Variants in GPR17 observed in about 807,000 individuals in gnomAD.
The protein encoded by GPR17 is G protein-coupled receptor 17, also known as uracil nucleotide/cysteinyl leukotriene receptor.
In GPR17, 4 loss-of-function variants were observed where a neutral mutation model predicts 1.5. That is an observed-to-expected ratio of 2.73 (90% CI 1.35 to 6.25). The LOEUF (loss-of-function observed/expected upper bound fraction) is 6.25, where lower values mean the gene tolerates loss of function less well. Ranked by LOEUF, GPR17 falls within the 30% of genes most tolerant of loss-of-function variation. The pLI is 0.00. For synonymous variants in GPR17, 209 were observed against 207.6 expected (o/e 1.01, Z -0.06); for missense variants, 463 against 462.1 (o/e 1.00, Z -0.02).
chr2:127,650,189 G>C, intron 1 of GPR17: 1 of 965,496 alleles, frequency 1.0e-6, no homozygotes, highest in East Asian at 2.6e-5. Context: ...AGAAAGCGGT[G>C]ACACCCCGGC....
chr2:127,648,234 G>C (rs1283222519), intron 1 of GPR17: 3 of 982,612 alleles, frequency 3.1e-6, no homozygotes, highest in Admixed American at 6.1e-5. Context: ...CATCTCTGGT[G>C]TTAGAACTTC....
intron 1 of GPR17, chr2:127,650,001 C>G: frequency 6.2e-7 from 1 of 1,604,398 alleles, no homozygotes; most frequent in East Asian, 2.2e-5. Context: ...CAGGTCTCCC[C>G]ACCTGTCAGG....
Position 127,650,838 on chromosome 2 carries a change from G to A in GPR17, c.103G>A (p.Ala35Thr), listed in dbSNP as rs547055934. 108 of 1,614,042 alleles carry A rather than the reference G, an allele frequency of 6.7e-5. No individual in the cohort carries two copies. The highest frequency in any genetic ancestry group is 4.9e-4 in the Middle Eastern group (3 of 6,062). The stretch of plus-strand genomic sequence containing the variant: ...GACGCCACTGGAGAACATGCTGTTC[G>A]CCTCCTTCTACCTTCTGGATTTTAT... ...QETPLENMLF[A>T]SFYLLDFILA... is the part of the protein sequence containing the mutation. The change falls in exon 2 of 2, where the codon GCC becomes ACC. Residue 35 changes from alanine to threonine, a missense_variant. Transcript: ENST00000486700.
Position 127,651,899 on chromosome 2 carries a change from C to G in GPR17, c.*144C>G, listed in dbSNP as rs2105279313. On this transcript the variant is annotated 3_prime_UTR_variant, in exon 2 of 2. Transcript: ENST00000486700. ...CCACCATTTCTCTAGATCGCCTAGTCTCAACCCATAAAAAGGAAGAACTGA... is the reference window on the plus strand; with the variant it reads ...CCACCATTTCTCTAGATCGCCTAGTGTCAACCCATAAAAAGGAAGAACTGA... 1 of 753,812 alleles carries G rather than the reference C, an allele frequency of 1.3e-6. No individual in the cohort carries two copies. Among genetic ancestry groups the G allele is most frequent in the East Asian group, 2.7e-5 (1 of 37,060 alleles). 46.7% of individuals were successfully genotyped at this position (753,812 alleles called of 1,614,324 possible). A position where few individuals can be genotyped will look rare whatever the true frequency, so the allele number is the denominator to read the frequency against.
intron 1 of GPR17, chr2:127,649,860 A>G (rs1404317351): frequency 3.0e-6 from 2 of 663,128 alleles, no homozygotes; most frequent in Non-Finnish European, 5.2e-6. Flanking sequence ...AGCGCTGGCC[A>G]GTGTCTCTGA....
Position 127,647,908 on chromosome 2 carries a change from G to A in GPR17, c.-21+1664G>A. 1 of 581,236 alleles carries A rather than the reference G, an allele frequency of 1.7e-6. No homozygotes were observed. Among genetic ancestry groups the A allele is most frequent in the Non-Finnish European group, 2.2e-6 (1 of 460,158 alleles). The allele number at this position is 581,236 out of a possible 1,614,324, so 36.0% of individuals were successfully genotyped here. A position where few individuals can be genotyped will look rare whatever the true frequency, so the allele number is the denominator to read the frequency against. On this transcript the variant is annotated intron_variant, in intron 1 of 1. Coordinates refer to ENST00000486700, the MANE Select transcript of GPR17 (RefSeq NM_001161417.2). This position sits in a 1 kb window ranked among gnomAD's most constrained non-coding sequence, Gnocchi z 4.3. ...CGGTACCTGCTCCCTGTTCTCCCCT[G>A]CCTCACAGGCCCTGTCAAGGGCTGT...
chr2:127,650,600 C>G, intron 1 of GPR17, 116 bp from the exon 2 acceptor site: 1 of 722,914 alleles, frequency 1.4e-6, no homozygotes, highest in Non-Finnish European at 2.3e-6. Flanking sequence ...GTGGGCGGTG[C>G]TGAGCTTGAA....
rs151091711 is a variant in GPR17 at position 127,650,780 on chromosome 2, C to A, written c.45C>A (p.Phe15Leu). The change falls in exon 2 of 2, where the codon TTC becomes TTA. Residue 15 changes from phenylalanine to leucine, a missense_variant. By Grantham distance (22) the Phe-to-Leu change is conservative. Coordinates refer to ENST00000486700, the MANE Select transcript of GPR17 (RefSeq NM_001161417.2). Reference sequence around the variant, plus strand: ...CTCCCCCAGGTCTGATCACCAACTTCTCCCTGGCCACGGCAGAGCAATGTG... The same window carrying A: ...CTCCCCCAGGTCTGATCACCAACTTATCCCTGGCCACGGCAGAGCAATGTG... ...EVAPPGLITN[F>L]SLATAEQCGQ... 6,890 of 1,613,876 alleles carry A rather than the reference C, an allele frequency of 4.3e-3. 18 individuals are homozygous for A. The highest frequency in any genetic ancestry group is 5.4e-3 in the Non-Finnish European group (6,335 of 1,179,824).
At position 127,649,351 on chromosome 2, in the gene GPR17, G is replaced by C. The variant is rs146264616; in HGVS notation, c.-20-1365G>C. On this transcript the variant is annotated intron_variant, in intron 1 of 1. Coordinates refer to ENST00000486700, the MANE Select transcript of GPR17 (RefSeq NM_001161417.2). ...CCCTCCTGCTGCCACAATGGGCACAGGCAGGATGCCAGCTTCTCTTATGCA... is the reference window on the plus strand; with the variant it reads ...CCCTCCTGCTGCCACAATGGGCACACGCAGGATGCCAGCTTCTCTTATGCA... Among the ~76,000 whole-genome samples the C allele has an allele frequency of 2.0e-3, 302 of 152,342 alleles. 2 individuals carry two copies. The highest frequency in any genetic ancestry group is 6.9e-3 in the African/African-American group (288 of 41,578).
intron 1 of GPR17, among the ~76,000 whole-genome samples, chr2:127,648,851 G>T (rs889998656): frequency 2.7e-5 from 4 of 150,744 alleles, no homozygotes; most frequent in African/African-American, 9.8e-5. Flanking sequence ...AGCCCTGGAG[G>T]TTGAGGCTGC....
chr2:127,649,916 C>T (rs1381246071), intron 1 of GPR17: 1 of 1,011,822 alleles, frequency 9.9e-7, no homozygotes, highest in Non-Finnish European at 1.5e-6. Flanking sequence ...ATGCTGCCCC[C>T]TGGTGGTGGA....
chr2:127,650,661 C>G (rs190276581), intron 1 of GPR17, 55 bp from the exon 2 acceptor site: 2 of 1,246,140 alleles, frequency 1.6e-6, no homozygotes, highest in East Asian at 2.3e-5. Flanking sequence ...CTTCAGAGAG[C>G]GTGAAGCTGC....
At position 127,651,421 on chromosome 2, in the gene GPR17, T is replaced by TCAAGAC; in HGVS notation, c.691_696dup (p.Thr231_Lys232dup). On this transcript the variant is annotated inframe_insertion, in exon 2 of 2. Transcript: ENST00000486700. ...CAGGGCCTGCGTGTGGAGAAGCGCCTCAAGACCAAGGCAGTGCGCATGATC... is the reference window on the plus strand; with the variant it reads ...CAGGGCCTGCGTGTGGAGAAGCGCCTCAAGACCAAGACCAAGGCAGTGCGCATGATC... 6.2e-7 allele frequency: 1 copy of TCAAGAC among 1,612,930 alleles called. No individual in the cohort carries two copies. Among genetic ancestry groups the TCAAGAC allele is most frequent in the Non-Finnish European group, 8.5e-7 (1 of 1,180,030 alleles).
Position 127,648,948 on chromosome 2 carries a change from AGGGGAGGGGAGGGGAGGG to A in GPR17, c.-20-1754_-20-1737del, listed in dbSNP as rs1404119409. Among the ~76,000 whole-genome samples, 55 of 31,334 alleles carry A rather than the reference AGGGGAGGGGAGGGGAGGG, an allele frequency of 1.8e-3. 1 individual carries two copies. Among genetic ancestry groups the A allele is most frequent in the African/African-American group, 7.3e-3 (52 of 7,172 alleles). The allele number at this position is 31,334 out of a possible 152,430, so 20.6% of individuals were successfully genotyped here. On this transcript the variant is annotated intron_variant, in intron 1 of 1. Coordinates refer to ENST00000486700, the MANE Select transcript of GPR17 (RefSeq NM_001161417.2). ...AAAGAAAAAAAGAAAAAAGAGAGGG[AGGGGAGGGGAGGGGAGGG>A]GGGGAGGGGAGGGAGGGGAGGGGAG...
intron 1 of GPR17, chr2:127,648,093 GAA>G (rs1245955609): frequency 2.0e-6 from 2 of 985,558 alleles, no homozygotes; most frequent in African/African-American, 3.5e-5. Context: ...CAGTCCTAGG[GAA>G]AGTGCCAGCC....
Position 127,647,813 on chromosome 2 carries a change from T to G in GPR17, c.-21+1569T>G, listed in dbSNP as rs1671215183. On this transcript the variant is annotated intron_variant, in intron 1 of 1. Coordinates refer to ENST00000486700, the MANE Select transcript of GPR17 (RefSeq NM_001161417.2). The surrounding 1 kb of genome is among the most constrained non-coding windows in gnomAD (Gnocchi z 4.3). ...GAGCCCTGTTCCTCCAGTCTCCGGGTCCTCACCCCCAGCACATGCAACACG... is the reference window on the plus strand; with the variant it reads ...GAGCCCTGTTCCTCCAGTCTCCGGGGCCTCACCCCCAGCACATGCAACACG... 6.6e-6 allele frequency among the ~76,000 whole-genome samples: 1 copy of G among 151,788 alleles called. No individual in the cohort carries two copies. The highest frequency in any genetic ancestry group is 6.6e-5 in the Admixed American group (1 of 15,260).
In GPR17 at chr2:127,649,956, T is replaced by G; in HGVS notation, c.-20-760T>G. 1.1e-5 allele frequency: 16 copies of G among 1,432,518 alleles called. 1 individual carries two copies. The South Asian group carries it at 1.9e-4, about 17-fold the overall frequency. The allele number at this position is 1,432,518 out of a possible 1,614,324, so 88.7% of individuals were successfully genotyped here. A position where few individuals can be genotyped will look rare whatever the true frequency, so the allele number is the denominator to read the frequency against. The stretch of plus-strand genomic sequence containing the variant: ...CTCTGGGAGAGAAAATACTCCCAGC[T>G]GGCCTGATACCCAGGCACAGGCTTC... On this transcript the variant is annotated intron_variant, in intron 1 of 1. Coordinates refer to ENST00000486700, the MANE Select transcript of GPR17 (RefSeq NM_001161417.2).
At position 127,647,251 on chromosome 2, in the gene GPR17, G is replaced by C. The variant is rs3771296; in HGVS notation, c.-21+1007G>C. Among the ~76,000 whole-genome samples, 54,974 of 152,082 alleles carry C rather than the reference G, an allele frequency of 0.36. 10,561 individuals carry two copies. The highest frequency in any genetic ancestry group is 0.42 in the Non-Finnish European group (28,567 of 67,936). On this transcript the variant is annotated intron_variant, in intron 1 of 1. Coordinates refer to ENST00000486700, the MANE Select transcript of GPR17 (RefSeq NM_001161417.2). The surrounding 1 kb of genome is among the most constrained non-coding windows in gnomAD (Gnocchi z 4.3). ...GAGGGAGTGGCCCCAGGGCCAGGAG[G>C]GGGTGCTGAGCCTGGGAGACAACTC...
Position 127,650,735 on chromosome 2 carries a change from C to T in GPR17, c.-1C>T. 6.2e-7 allele frequency: 1 copy of T among 1,607,248 alleles called. No individual in the cohort carries two copies. Among genetic ancestry groups the T allele is most frequent in the East Asian group, 2.2e-5 (1 of 44,730 alleles). Reference sequence around the variant, plus strand: ...CTCCAGGCTCTGACTCCAGCCAAAGCATGAATGGCCTTGAAGTGGCTCCCC... The same window carrying T: ...CTCCAGGCTCTGACTCCAGCCAAAGTATGAATGGCCTTGAAGTGGCTCCCC... On this transcript the variant is annotated 5_prime_UTR_variant, in exon 2 of 2. Transcript: ENST00000486700.
Sources: allele counts gnomAD v4.1 joint callset (sites outside exome capture counted in the v4.1 genomes callset), GRCh38; gene constraint gnomAD v4.1.1; non-coding constraint Gnocchi (gnomAD v3.1); transcripts MANE v1.5; gene names NCBI Gene and HGNC (gene_info 2026-07-23, HGNC 2026-07-21).